Variants in PDE9A observed in about 807,000 individuals in gnomAD.
The protein encoded by PDE9A is phosphodiesterase 9A.
A neutral mutation model predicts 87.4 loss-of-function variants in PDE9A; 60 were observed. The observed-to-expected ratio is 0.69, with a 90% CI of 0.56 to 0.85. The LOEUF (loss-of-function observed/expected upper bound fraction) is 0.85, where lower values mean the gene tolerates loss of function less well. Ranked by LOEUF, PDE9A falls within the 40% of genes least tolerant of loss-of-function variation. The pLI is 0.00. For missense variants in PDE9A, 665 were observed against 779.0 expected, an observed-to-expected ratio of 0.85 and a Z score of 1.74; for synonymous variants, 272 against 279.4, an observed-to-expected ratio of 0.97 and a Z score of 0.27.
chr21:42,694,326 G>A lies in PDE9A; in HGVS notation c.219-4642G>A, dbSNP rs2060033916. On this transcript the variant is annotated intron_variant, in intron 3 of 19. Coordinates refer to ENST00000291539, the MANE Select transcript of PDE9A (RefSeq NM_002606.3). The surrounding 1 kb of genome is among the most constrained non-coding windows in gnomAD (Gnocchi z 5.3). ...CCCCAGCCTCAGGCCCAGGAACCAT[G>A]TCTTTGGAGGAGGCTCTCCTGCTGG... Among the ~76,000 whole-genome samples, 1 of 152,232 alleles carries A rather than the reference G, an allele frequency of 6.6e-6. No homozygotes were observed.
At chr21:42,761,093 CG>C (rs573571311) in intron 13 of PDE9A, among the ~76,000 whole-genome samples, 186 bp downstream of exon 13, 394 of 152,328 alleles carry the variant, frequency 2.6e-3, no homozygotes, top group Admixed American at 6.0e-3. Flanking sequence ...TGGGTCTCCC[CG>C]GAGTAGGAAC....
At chr21:42,749,583 T>C (rs1277789745) in intron 8 of PDE9A, among the ~76,000 whole-genome samples, 1 of 152,238 alleles carries the variant, frequency 6.6e-6, no homozygotes, top group Non-Finnish European at 1.5e-5. Flanking sequence ...CTATGTGGGA[T>C]ACCTCGATAC....
At chr21:42,671,066 A>G (rs550221287) in intron 1 of PDE9A, among the ~76,000 whole-genome samples, 30 of 152,314 alleles carry the variant, frequency 2.0e-4, no homozygotes, top group Non-Finnish European at 4.0e-4. Flanking sequence ...TATCTTAACC[A>G]CAAAGGAAGC....
intron 4 of PDE9A, among the ~76,000 whole-genome samples, chr21:42,714,451 A>T (rs1353155074): frequency 1.3e-5 from 2 of 152,094 alleles, no homozygotes; most frequent in Admixed American, 6.6e-5. Context: ...GTCTTTGTTC[A>T]TATGGTTGGG....
intron 1 of PDE9A, among the ~76,000 whole-genome samples, chr21:42,667,797 A>AC (rs1170800343): frequency 2.6e-5 from 4 of 150,948 alleles, no homozygotes; most frequent in African/African-American, 4.9e-5. Flanking sequence ...TTGGTCCAGG[A>AC]CCCCCTGCAG....
In PDE9A at chr21:42,775,442, G is replaced by T; in HGVS notation, c.*149G>T. On this transcript the variant is annotated 3_prime_UTR_variant, in exon 20 of 20. Transcript: ENST00000291539. ...TTCACTGATACAAAAAAAAAAAAAGGAATTCATGATGCTGTACAGAATTTT... is the reference window on the plus strand; with the variant it reads ...TTCACTGATACAAAAAAAAAAAAAGTAATTCATGATGCTGTACAGAATTTT... 1.7e-6 allele frequency: 1 copy of T among 595,972 alleles called. No homozygotes were observed. Among genetic ancestry groups the T allele is most frequent in the Non-Finnish European group, 3.0e-6 (1 of 337,984 alleles). 36.9% of individuals were successfully genotyped at this position (595,972 alleles called of 1,614,324 possible).
At chr21:42,703,943 G>A (rs550122549) in intron 4 of PDE9A, among the ~76,000 whole-genome samples, 2 of 152,384 alleles carry the variant, frequency 1.3e-5, no homozygotes, top group East Asian at 3.9e-4. Flanking sequence ...AAACAGTGCT[G>A]CACCGCCAGG....
At chr21:42,738,234 G>A (rs971570771) in intron 7 of PDE9A, among the ~76,000 whole-genome samples, 2 of 152,216 alleles carry the variant, frequency 1.3e-5, no homozygotes, top group African/African-American at 4.8e-5. Context: ...GTTTAACACA[G>A]GCCATACAAA....
intron 1 of PDE9A, among the ~76,000 whole-genome samples, chr21:42,670,559 TTCAC>T (rs2058473368): frequency 6.6e-6 from 1 of 150,486 alleles, no homozygotes; most frequent in Non-Finnish European, 1.5e-5. Context: ...TACCCACACA[TTCAC>T]ACATACACAC....
At chr21:42,726,499 G>T (rs1226763443) in intron 4 of PDE9A, among the ~76,000 whole-genome samples, 1 of 148,272 alleles carries the variant, frequency 6.7e-6, no homozygotes, top group African/African-American at 2.5e-5. Flanking sequence ...TCTAGGTCAA[G>T]GCTCTTTTTC....
Position 42,751,111 on chromosome 21 carries a change from T to A in PDE9A, c.654-5T>A, listed in dbSNP as rs1438686020. The A allele has an allele frequency of 1.9e-6, 3 of 1,594,494 alleles. No homozygotes were observed. Among genetic ancestry groups the A allele is most frequent in the Non-Finnish European group, 2.6e-6 (3 of 1,161,958 alleles). ...CCACAGCTCATCTCTGCTCCTTCTCTCTAGGACCAACTGCCCCTGTAAGTA... is the reference window on the plus strand; with the variant it reads ...CCACAGCTCATCTCTGCTCCTTCTCACTAGGACCAACTGCCCCTGTAAGTA... On this transcript the variant is annotated splice_polypyrimidine_tract_variant and splice_region_variant and intron_variant, in intron 8 of 19. Transcript: ENST00000291539.
At chr21:42,767,225 C>T (rs2056499011) in intron 15 of PDE9A, among the ~76,000 whole-genome samples, 1 of 152,070 alleles carries the variant, frequency 6.6e-6, no homozygotes, top group African/African-American at 2.4e-5. Flanking sequence ...ATAGTGCGGG[C>T]CAGCGTGGGA....
At position 42,670,441 on chromosome 21, in the gene PDE9A, CTT is replaced by C. The variant is rs570402418; in HGVS notation, c.70-15750_70-15749del. 2.0e-3 allele frequency among the ~76,000 whole-genome samples: 310 copies of C among 151,650 alleles called. 1 individual carries two copies. Among genetic ancestry groups the C allele is most frequent in the South Asian group, 9.2e-3 (44 of 4,804 alleles). ...ACACGCACTTACAGTCACACATACA[CTT>C]ATACACAGTCACACAGACTTGCACA... On this transcript the variant is annotated intron_variant, in intron 1 of 19. Transcript: ENST00000291539.
rs2048468640 is a variant in PDE9A, at chr21:42,702,617, A to G, written c.262+3606A>G. On this transcript the variant is annotated intron_variant, in intron 4 of 19. Transcript: ENST00000291539. The surrounding 1 kb of genome is among the most constrained non-coding windows in gnomAD (Gnocchi z 4.9). Reference sequence around the variant, plus strand: ...AGTGTTGGGCTTTGCCTTGGCAAGCAGTTAAGTTACTTGCACATCAGTTTG... The same window carrying G: ...AGTGTTGGGCTTTGCCTTGGCAAGCGGTTAAGTTACTTGCACATCAGTTTG... Among the ~76,000 whole-genome samples the G allele has an allele frequency of 2.0e-5, 3 of 152,216 alleles. No individual in the cohort carries two copies. In the South Asian group the frequency reaches 6.2e-4, roughly 32 times the overall value.
chr21:42,730,617 A>G (rs1356760154), intron 4 of PDE9A, among the ~76,000 whole-genome samples: 1 of 152,174 alleles, frequency 6.6e-6, no homozygotes, highest in Non-Finnish European at 1.5e-5. Flanking sequence ...AAGCAGGATC[A>G]CTCTCTATGA....
rs118188075 is a variant in PDE9A, at chr21:42,663,364, A to G, written c.69+9481A>G. ...ACCACACACGCACAGTATGAAGATG[A>G]CAGAGAAGTCAGCAGAGCCCCTGGG... On this transcript the variant is annotated intron_variant, in intron 1 of 19. Transcript: ENST00000291539. 5.5e-4 allele frequency among the ~76,000 whole-genome samples: 84 copies of G among 152,318 alleles called. 1 individual carries two copies. In the East Asian group the frequency reaches 0.016, roughly 29 times the overall value.
rs1339944137 is a variant in PDE9A, at chr21:42,704,575, G to A, written c.262+5564G>A. Among the ~76,000 whole-genome samples the A allele has an allele frequency of 1.3e-5, 2 of 152,194 alleles. No individual in the cohort carries two copies. The highest frequency in any genetic ancestry group is 1.9e-4 in the East Asian group (1 of 5,164). On this transcript the variant is annotated intron_variant, in intron 4 of 19. Transcript: ENST00000291539. This position sits in a 1 kb window ranked among gnomAD's most constrained non-coding sequence, Gnocchi z 5.3. ...AACAACCTTCCCTCTCCCGTCCATC[G>A]GCCTTGGGTCCCAGAGCCACTGAGC... is the stretch of plus-strand genomic sequence containing the variant.
Position 42,699,015 on chromosome 21 carries a change from AG to A in PDE9A, c.262+6del. On this transcript the variant is annotated splice_donor_5th_base_variant and intron_variant, in intron 4 of 19. Transcript: ENST00000291539. ...GTGGCCATCAAGCAACTCTCCGGTA[AG>A]GCCCTGCTGTCGTTTTTTAAACTAA... 1.9e-6 allele frequency: 3 copies of A among 1,605,226 alleles called. No homozygotes were observed. Among genetic ancestry groups the A allele is most frequent in the Non-Finnish European group, 2.6e-6 (3 of 1,171,910 alleles).
At chr21:42,756,121 C>T (rs1255209595) in intron 10 of PDE9A, among the ~76,000 whole-genome samples, 1 of 152,240 alleles carries the variant, frequency 6.6e-6, no homozygotes, top group East Asian at 1.9e-4. Flanking sequence ...CTCTGGGTGG[C>T]ATCTCCCACG....
Sources: gnomAD v4.1 joint callset for allele counts (sites outside exome capture counted in the v4.1 genomes callset) on GRCh38, gnomAD v4.1.1 for gene constraint, Gnocchi (gnomAD v3.1) non-coding constraint, MANE v1.5 for transcripts, NCBI Gene and HGNC (gene_info 2026-07-23, HGNC 2026-07-21) for gene names.